HERPUD2: variants seen among roughly 807,000 people sequenced by gnomAD.
The protein encoded by HERPUD2 is HERPUD family member 2, also known as homocysteine-responsive endoplasmic reticulum-resident ubiquitin-like domain member 2 protein.
A neutral mutation model predicts 49.9 loss-of-function variants in HERPUD2; 13 were observed. The observed-to-expected ratio is 0.26, with a 90% CI of 0.17 to 0.41. The LOEUF (loss-of-function observed/expected upper bound fraction) is 0.41. Among genes scored for constraint, HERPUD2 ranks in the 10% least tolerant of loss-of-function variants. The pLI is 1.00. For missense variants in HERPUD2, 449 were observed against 492.2 expected (o/e 0.91, Z 0.83); for synonymous variants, 172 against 171.4 (o/e 1.00, Z -0.03).
chr7:35,654,595 TA>T (rs57491123), intron 5 of HERPUD2, among the ~76,000 whole-genome samples: 56,071 of 120,762 alleles, frequency 0.46, 13,325 homozygotes, highest in East Asian at 0.72. Flanking sequence ...AATCAGTAAT[TA>T]AAAAAAAAAA....
At position 35,633,826 on chromosome 7, in the gene HERPUD2, T is replaced by G; in HGVS notation, c.1085A>C (p.Glu362Ala). Residue 362 changes from glutamate to alanine, a missense_variant, in exon 9 of 9, where the codon GAA (glutamate) becomes GCA (alanine). Transcript: ENST00000311350. Reference protein sequence around the residue: ...EMERLMDDGLEDESGEDGGED... With the variant: ...EMERLMDDGLADESGEDGGED... ...ACCTCCATCTTCTCCACTCTCATCT[T>G]CAAGCCCATCATCCATAAGACGCTC... is the stretch of plus-strand genomic sequence containing the variant. The G allele has an allele frequency of 6.2e-7, 1 of 1,613,996 alleles. No individual in the cohort carries two copies. Among genetic ancestry groups the G allele is most frequent in the African/African-American group, 1.3e-5 (1 of 75,042 alleles).
rs1423160005 is a variant in HERPUD2 at position 35,632,712 on chromosome 7, A to C, written c.*978T>G. On this transcript the variant is annotated 3_prime_UTR_variant, in exon 9 of 9. Transcript: ENST00000311350. ...AATTACACGGAGCAATTTCCAGCTT[A>C]TCTTTTTTTATAAAAGTACTGCCTA... 6.6e-6 allele frequency: 1 copy of C among 152,598 alleles called. No individual in the cohort carries two copies. Among genetic ancestry groups the C allele is most frequent in the African/African-American group, 2.4e-5 (1 of 41,444 alleles). The allele number at this position is 152,598 out of a possible 1,614,324, so 9.5% of individuals were successfully genotyped here. A position where few individuals can be genotyped will look rare whatever the true frequency, so the allele number is the denominator to read the frequency against.
intron 2 of HERPUD2, among the ~76,000 whole-genome samples, chr7:35,673,747 CCTTA>C (rs1311302032): frequency 6.6e-6 from 1 of 152,080 alleles, no homozygotes; most frequent in Non-Finnish European, 1.5e-5. Flanking sequence ...TTACTTTCTT[CCTTA>C]CTAATATTGT....
chr7:35,691,327 C>T (rs1357518569), intron 2 of HERPUD2, among the ~76,000 whole-genome samples: 1 of 152,166 alleles, frequency 6.6e-6, no homozygotes, highest in Non-Finnish European at 1.5e-5. Context: ...AGAGTTCAGC[C>T]AGAATTCCAT....
chr7:35,675,711 C>T (rs1196413902), intron 2 of HERPUD2, among the ~76,000 whole-genome samples: 1 of 152,128 alleles, frequency 6.6e-6, no homozygotes, highest in Admixed American at 6.5e-5. Context: ...CTATTCTTGT[C>T]TCATCCATCC....
intron 5 of HERPUD2, among the ~76,000 whole-genome samples, chr7:35,652,165 T>C (rs755240941): frequency 6.6e-6 from 1 of 152,246 alleles, no homozygotes. Context: ...CCTAAGCTAC[T>C]GTCTTAAAGC....
chr7:35,690,884 T>G (rs1479077846), intron 2 of HERPUD2, among the ~76,000 whole-genome samples: 10 of 152,164 alleles, frequency 6.6e-5, no homozygotes, highest in Non-Finnish European at 1.3e-4. Context: ...TGTAATCAAC[T>G]CTTTAAGAAA....
intron 2 of HERPUD2, 86 bp downstream of exon 2, chr7:35,694,098 C>T (rs1786259594): frequency 7.0e-7 from 1 of 1,426,686 alleles, no homozygotes; most frequent in Non-Finnish European, 9.9e-7. Context: ...TGATTCAAGA[C>T]TGGAGGGGAG....
intron 2 of HERPUD2, among the ~76,000 whole-genome samples, chr7:35,675,122 A>C (rs1208018453): frequency 6.6e-6 from 1 of 152,174 alleles, no homozygotes; most frequent in East Asian, 1.9e-4. Flanking sequence ...AACCTGTGGA[A>C]TCTATCCCCA....
intron 5 of HERPUD2, among the ~76,000 whole-genome samples, chr7:35,666,590 C>T (rs1785540909): frequency 6.6e-6 from 1 of 152,212 alleles, no homozygotes; most frequent in South Asian, 2.1e-4. Flanking sequence ...TTATCACTAT[C>T]TGTTACTCAA....
intron 5 of HERPUD2, among the ~76,000 whole-genome samples, chr7:35,645,608 A>T (rs1316021743): frequency 2.6e-5 from 4 of 152,178 alleles, no homozygotes; most frequent in South Asian, 4.2e-4. Context: ...AATGATGTAT[A>T]ACAGGTCCTG....
At chr7:35,651,116 A>C (rs1785157388) in intron 5 of HERPUD2, among the ~76,000 whole-genome samples, 1 of 152,172 alleles carries the variant, frequency 6.6e-6, no homozygotes, top group Admixed American at 6.5e-5. Flanking sequence ...GTCATCACCA[A>C]CACCACCACA....
At chr7:35,667,083 A>G (rs1785552416) in intron 5 of HERPUD2, among the ~76,000 whole-genome samples, 1 of 152,308 alleles carries the variant, frequency 6.6e-6, no homozygotes, top group East Asian at 1.9e-4. Flanking sequence ...CTTGCTATTC[A>G]AAGTGTAGTC....
intron 2 of HERPUD2, among the ~76,000 whole-genome samples, chr7:35,690,325 C>T (rs1463194716): frequency 6.6e-6 from 1 of 152,236 alleles, no homozygotes; most frequent in Non-Finnish European, 1.5e-5. Context: ...AACAGCTCAA[C>T]TCCACATCCG....
intron 2 of HERPUD2, among the ~76,000 whole-genome samples, chr7:35,676,181 T>G (rs749271368): frequency 1.3e-5 from 2 of 152,216 alleles, no homozygotes; most frequent in Non-Finnish European, 2.9e-5. Context: ...TTTTAACAGT[T>G]TCTATTTTTA....
chr7:35,638,566 A>G, intron 5 of HERPUD2, 94 bp from the exon 6 acceptor site: 3 of 1,201,130 alleles, frequency 2.5e-6, no homozygotes, highest in Non-Finnish European at 3.5e-6. Context: ...AACCATTGAC[A>G]GAATATATTT....
chr7:35,660,913 A>T (rs543828247), intron 5 of HERPUD2, among the ~76,000 whole-genome samples: 97 of 152,190 alleles, frequency 6.4e-4, no homozygotes, highest in African/African-American at 9.6e-4. Context: ...TTGGCTTTTG[A>T]TGCCATTGCT....
intron 2 of HERPUD2, among the ~76,000 whole-genome samples, chr7:35,674,719 A>G (rs1422736254): frequency 6.6e-6 from 1 of 151,612 alleles, no homozygotes; most frequent in African/African-American, 2.4e-5. Flanking sequence ...TGACAAACCA[A>G]TGACCAATGA....
chr7:35,686,809 GGGGGGGGGGGGGTGGGGGGGT>G (rs776699176), intron 2 of HERPUD2, among the ~76,000 whole-genome samples: 653 of 8,280 alleles, frequency 0.079, 158 homozygotes, highest in African/African-American at 0.19. Context: ...TTGGGAGGCT[GGGGGGGGGGGGGTGGGGGGGT>G]GGGGGGGGGC....
Sources: gnomAD v4.1 joint callset for allele counts (sites outside exome capture counted in the v4.1 genomes callset) on GRCh38, gnomAD v4.1.1 for gene constraint, MANE v1.5 for transcripts, NCBI Gene and HGNC (gene_info 2026-07-23, HGNC 2026-07-21) for gene names.